The following CNTLN variants were observed in gnomAD, a reference collection of about 807,000 sequenced individuals.
CNTLN encodes the protein centlein.
CNTLN carries 212 observed loss-of-function variants against 180.0 expected under a neutral mutation model. The observed-to-expected ratio is 1.18, with a 90% CI of 1.05 to 1.32. The LOEUF (loss-of-function observed/expected upper bound fraction) is 1.32. CNTLN is among the 40% of genes most tolerant of loss of function. The probability of loss-of-function intolerance (pLI) is 0.00; values close to 1 mark genes in which losing one functional copy is unlikely to be tolerated. For synonymous variants in CNTLN, 722 were observed against 563.1 expected, an observed-to-expected ratio of 1.28 and a Z score of -3.99; for missense variants, 2,095 against 1,610.9, an observed-to-expected ratio of 1.30 and a Z score of -5.14.
At chr9:17,345,756 A>C (rs932059305) in intron 12 of CNTLN, among the ~76,000 whole-genome samples, 1 of 152,102 alleles carries the variant, frequency 6.6e-6, no homozygotes, top group Non-Finnish European at 1.5e-5. Flanking sequence ...TCAACTGTCA[A>C]ACATAATTAT....
intron 5 of CNTLN, among the ~76,000 whole-genome samples, chr9:17,262,509 G>C (rs1324599381): frequency 1.3e-5 from 2 of 151,494 alleles, no homozygotes; most frequent in Non-Finnish European, 2.9e-5. Context: ...TCACTCATAA[G>C]TGGGAGTTGA....
At chr9:17,301,666 A>C in intron 7 of CNTLN, 2 of 966,388 alleles carry the variant, frequency 2.1e-6, no homozygotes, top group Non-Finnish European at 2.5e-6. Context: ...TTGTTCATAC[A>C]GTTTTCATTA....
At chr9:17,406,001 C>T (rs1429900091) in intron 15 of CNTLN, among the ~76,000 whole-genome samples, 1 of 150,900 alleles carries the variant, frequency 6.6e-6, no homozygotes, top group Non-Finnish European at 1.5e-5. Context: ...GAATTTTAGA[C>T]ATGTAAAGTT....
intron 18 of CNTLN, among the ~76,000 whole-genome samples, chr9:17,434,882 T>A (rs1425807922): frequency 6.6e-6 from 1 of 152,212 alleles, no homozygotes; most frequent in African/African-American, 2.4e-5. Context: ...CACTTTTCTT[T>A]TGGCCTCCAT....
intron 25 of CNTLN, among the ~76,000 whole-genome samples, chr9:17,493,366 C>A (rs1285012735): frequency 6.6e-6 from 1 of 151,832 alleles, no homozygotes; most frequent in African/African-American, 2.4e-5. Flanking sequence ...AATATAAGAG[C>A]CAAAATAGTA....
rs35350865 is a variant in CNTLN at position 17,440,588 on chromosome 9, C to CAAAAAAAAAAAAAAAAAA, written c.3115-16922_3115-16921insAAAAAAAAAAAAAAAAAA. ...TGGGCGACGGAGCGAGACTCCGTCTCAAAAAAAAAAAAAAGAACTGAAAAC... is the reference window on the plus strand; with the variant it reads ...TGGGCGACGGAGCGAGACTCCGTCTCAAAAAAAAAAAAAAAAAAAAAAAAAAAAAAAAGAACTGAAAAC... On this transcript the variant is annotated intron_variant, in intron 18 of 25. Coordinates refer to ENST00000380647, the MANE Select transcript of CNTLN (RefSeq NM_017738.4). Among the ~76,000 whole-genome samples the CAAAAAAAAAAAAAAAAAA allele has an allele frequency of 6.1e-5, 7 of 114,636 alleles. No individual in the cohort carries two copies. The East Asian group carries it at 8.9e-4, about 15-fold the overall frequency. 75.2% of individuals were successfully genotyped at this position (114,636 alleles called of 152,430 possible).
chr9:17,355,510 A>T (rs1053687550), intron 12 of CNTLN, among the ~76,000 whole-genome samples: 4 of 152,194 alleles, frequency 2.6e-5, no homozygotes, highest in African/African-American at 9.7e-5. Flanking sequence ...CCATAATGAA[A>T]TCCCATAGTC....
intron 12 of CNTLN, among the ~76,000 whole-genome samples, chr9:17,346,323 ACACTAGCATGAGATCT>A (rs1821891547): frequency 6.6e-6 from 1 of 151,994 alleles, no homozygotes; most frequent in Admixed American, 6.5e-5. Flanking sequence ...ACATGAGAAC[ACACTAGCATGAGATCT>A]CACTAGCATG....
At chr9:17,416,425 G>A (rs375289507) in intron 18 of CNTLN, among the ~76,000 whole-genome samples, 51 of 152,140 alleles carry the variant, frequency 3.4e-4, no homozygotes, top group East Asian at 1.4e-3. Context: ...CTTTACTAGC[G>A]TTCCTGTTCC....
At chr9:17,383,763 G>A (rs918864820) in intron 13 of CNTLN, among the ~76,000 whole-genome samples, 4 of 151,352 alleles carry the variant, frequency 2.6e-5, no homozygotes, top group African/African-American at 7.3e-5. Context: ...TCAGCCTCCC[G>A]AGTAGCTGGG....
chr9:17,386,012 T>G (rs1281975271), intron 13 of CNTLN, among the ~76,000 whole-genome samples: 1 of 152,182 alleles, frequency 6.6e-6, no homozygotes, highest in Non-Finnish European at 1.5e-5. Context: ...TTTAGGAAAT[T>G]GCCCATACAA....
chr9:17,253,837 G>A (rs1045903004), intron 5 of CNTLN, among the ~76,000 whole-genome samples: 1 of 150,888 alleles, frequency 6.6e-6, no homozygotes, highest in Admixed American at 6.6e-5. Context: ...GTAAAACTGG[G>A]CATTCTTGTC....
intron 7 of CNTLN, among the ~76,000 whole-genome samples, chr9:17,302,866 A>G (rs1476113040): frequency 6.6e-6 from 1 of 152,242 alleles, no homozygotes; most frequent in African/African-American, 2.4e-5. Flanking sequence ...GTAAAATTGT[A>G]CTATAAGCCA....
chr9:17,488,476 G>C (rs1483593338), intron 25 of CNTLN, among the ~76,000 whole-genome samples: 4 of 152,000 alleles, frequency 2.6e-5, no homozygotes, highest in Non-Finnish European at 5.9e-5. Context: ...TTTTTAAAAT[G>C]TTCACTTTGT....
At chr9:17,406,603 A>C (rs1192925046) in intron 15 of CNTLN, among the ~76,000 whole-genome samples, 1 of 151,282 alleles carries the variant, frequency 6.6e-6, no homozygotes, top group East Asian at 1.9e-4. Flanking sequence ...TATCTTGCTC[A>C]TTTTTTCCCC....
chr9:17,459,662 A>G (rs1490490202), intron 19 of CNTLN, among the ~76,000 whole-genome samples: 4 of 151,796 alleles, frequency 2.6e-5, no homozygotes, highest in Admixed American at 1.3e-4. Context: ...TGGAAGTCTA[A>G]GATCAAGGTG....
chr9:17,144,841 AT>A (rs999968669), intron 2 of CNTLN, among the ~76,000 whole-genome samples: 49 of 146,542 alleles, frequency 3.3e-4, no homozygotes, highest in Non-Finnish European at 3.9e-4. Flanking sequence ...TTTTTATTTT[AT>A]TTTTTTTTTT....
intron 1 of CNTLN, among the ~76,000 whole-genome samples, chr9:17,139,472 C>T (rs571304250): frequency 6.6e-6 from 1 of 151,808 alleles, no homozygotes; most frequent in African/African-American, 2.4e-5. Flanking sequence ...ACCAGCCTGG[C>T]CAACATGGCG....
At chr9:17,146,393 C>G (rs78256480) in intron 2 of CNTLN, among the ~76,000 whole-genome samples, 7,247 of 152,154 alleles carry the variant, frequency 0.048, 217 homozygotes, top group East Asian at 0.17. Context: ...TTGCTCTATG[C>G]TATGATCTGA....
Sources: allele counts gnomAD v4.1 joint callset (sites outside exome capture counted in the v4.1 genomes callset), GRCh38; gene constraint gnomAD v4.1.1; transcripts MANE v1.5; gene names NCBI Gene and HGNC (gene_info 2026-07-23, HGNC 2026-07-21).